Variants in APOB observed in about 807,000 individuals in gnomAD.
APOB encodes the protein apolipoprotein B-100.
APOB carries 153 observed loss-of-function variants against 314.1 expected under a neutral mutation model. That is an observed-to-expected ratio of 0.49 (90% CI 0.43 to 0.56). APOB has a LOEUF of 0.56. Among genes scored for constraint, APOB ranks in the 20% least tolerant of loss-of-function variants. The probability of loss-of-function intolerance (pLI) is 0.00; values close to 1 mark genes in which losing one functional copy is unlikely to be tolerated. For missense variants in APOB, 5,430 were observed against 5,350.7 expected (o/e 1.01, Z -0.46); for synonymous variants, 2,087 against 2,036.4 (o/e 1.02, Z -0.67).
chr2:21,043,739 C>A, intron 1 of APOB, 125 bp downstream of exon 1: 2 of 1,505,656 alleles, frequency 1.3e-6, no homozygotes, highest in Non-Finnish European at 8.9e-7. Flanking sequence ...CTGGTCCAAT[C>A]CCCCCACTCG....
intron 24 of APOB, 101 bp downstream of exon 24, chr2:21,014,347 T>C (rs1460271367): frequency 7.0e-7 from 1 of 1,418,906 alleles, no homozygotes; most frequent in African/African-American, 1.4e-5. Flanking sequence ...AATGCTTAAA[T>C]TATTTCCTTT....
At chr2:21,023,163 C>T in intron 17 of APOB, 121 bp from the exon 18 acceptor site, 3 of 928,164 alleles carry the variant, frequency 3.2e-6, no homozygotes, top group Non-Finnish European at 5.2e-6. Flanking sequence ...CCTTTGGAAA[C>T]ATTACTGGGA....
Position 21,007,271 on chromosome 2 carries a change from C to T in APOB, c.9597G>A (p.Gln3199=). The T allele has an allele frequency of 6.2e-7, 1 of 1,613,446 alleles. No homozygotes were observed. The highest frequency in any genetic ancestry group is 8.5e-7 in the Non-Finnish European group (1 of 1,179,666). ...AATGCCTGTCAAAGGATTTGATGCT[C>T]TGACTGATAAACTCACAAAGCACAG... is the stretch of plus-strand genomic sequence containing the variant. ...PLAVLCEFIS[Q]SIKSFDRHFE... Residue 3199 remains glutamine, a synonymous_variant, in exon 26 of 29, where the codon CAG becomes CAA. Coordinates refer to ENST00000233242, the MANE Select transcript of APOB (RefSeq NM_000384.3).
At chr2:21,037,065 C>T in intron 6 of APOB, 35 bp downstream of exon 6, 1 of 1,613,766 alleles carries the variant, frequency 6.2e-7, no homozygotes, top group Non-Finnish European at 8.5e-7. Context: ...GAGGATGCTC[C>T]TTGCTGTGCA....
At position 21,012,212 on chromosome 2, in the gene APOB, A is replaced by G. The variant is rs761580028; in HGVS notation, c.4656T>C (p.Ser1552=). The change falls in exon 26 of 29, where the codon AGT becomes AGC. Residue 1552 remains serine, a synonymous_variant. Transcript: ENST00000233242. The stretch of plus-strand genomic sequence containing the variant: ...GGGAAGCAGTATTTTTAATGATGCC[A>G]CTTTGCAGATCAGAGGTGGAGGTGA... ...LSLTSTSDLQ[S]GIIKNTASLK... 163 of 1,605,332 alleles carry G rather than the reference A, an allele frequency of 1.0e-4. No individual in the cohort carries two copies. Among genetic ancestry groups the G allele is most frequent in the Non-Finnish European group, 1.3e-4 (155 of 1,174,710 alleles).
Position 21,006,561 on chromosome 2 carries a change from A to T in APOB, c.10307T>A (p.Leu3436Ter). Reference sequence around the variant, plus strand: ...AAGTTCTTGCTTGAAATTCATTCTCAAAATTGGAATTTGGGCTTTTGTGGT... The same window carrying T: ...AAGTTCTTGCTTGAAATTCATTCTCTAAATTGGAATTTGGGCTTTTGTGGT... ...ATTTKAQIPI[L>*]RMNFKQELNG... The change falls in exon 26 of 29, where the codon TTG becomes TAG. Residue 3436 changes from leucine to a stop codon, truncating the protein, a stop_gained. Transcript: ENST00000233242. LOFTEE classifies it high-confidence loss of function. The T allele has an allele frequency of 1.2e-6, 2 of 1,614,092 alleles. No individual in the cohort carries two copies. The highest frequency in any genetic ancestry group is 1.7e-6 in the Non-Finnish European group (2 of 1,179,976).
rs1421321340 is a variant in APOB at position 21,041,173 on chromosome 2, A to G, written c.238-90T>C. 5 of 1,381,554 alleles carry G rather than the reference A, an allele frequency of 3.6e-6. No homozygotes were observed. In the African/African-American group the frequency reaches 7.1e-5, roughly 20 times the overall value. The allele number at this position is 1,381,554 out of a possible 1,614,324, so 85.6% of individuals were successfully genotyped here. On this transcript the variant is annotated intron_variant, in intron 3 of 28. Transcript: ENST00000233242. ...CCAGGGCTTAATCTCTAATCAGAGC[A>G]CCAAAGGGAATGGTGCTGGGAACAC...
At position 21,002,209 on chromosome 2, in the gene APOB, C is replaced by T. The variant is rs866737429; in HGVS notation, c.13213G>A (p.Glu4405Lys). 6.2e-7 allele frequency: 1 copy of T among 1,613,922 alleles called. No homozygotes were observed. The highest frequency in any genetic ancestry group is 8.5e-7 in the Non-Finnish European group (1 of 1,179,962). Reference protein sequence around the residue: ...GWTVKYYELEEKIVSLIKNLL... With the variant: ...GWTVKYYELEKKIVSLIKNLL... Reference sequence around the variant, plus strand: ...TTCTTGATCAGACTGACTATCTTTTCTTCAAGTTCATAATATTTCACTGTC... The same window carrying T: ...TTCTTGATCAGACTGACTATCTTTTTTTCAAGTTCATAATATTTCACTGTC... The change falls in exon 29 of 29, where the codon GAA becomes AAA. Residue 4405 changes from glutamate (E) to lysine (K), a missense_variant. Transcript: ENST00000233242.
In APOB at chr2:21,005,450, G is replaced by A. The variant is rs1663100949; in HGVS notation, c.11418C>T (p.Ser3806=). The change falls in exon 26 of 29, where the codon TCC becomes TCT. Residue 3806 remains serine, a synonymous_variant. Transcript: ENST00000233242. Reference sequence around the variant, plus strand: ...CGGTTATCTCAAAAAAGGGAATCAAGGAGTCTTCTGGTTGAGAATATTTTG... The same window carrying A: ...CGGTTATCTCAAAAAAGGGAATCAAAGAGTCTTCTGGTTGAGAATATTTTG... ...VLTKYSQPED[S]LIPFFEITVP... 1.9e-6 allele frequency: 3 copies of A among 1,614,058 alleles called. No homozygotes were observed. Among genetic ancestry groups the A allele is most frequent in the Non-Finnish European group, 2.5e-6 (3 of 1,179,970 alleles).
rs183394803 is a variant in APOB, at chr2:21,008,487, G to A, written c.8381C>T (p.Thr2794Ile). The A allele has an allele frequency of 2.5e-6, 4 of 1,614,082 alleles. No homozygotes were observed. Among genetic ancestry groups the A allele is most frequent in the African/African-American group, 1.3e-5 (1 of 75,034 alleles). Reference protein sequence around the residue: ...ANEAGIAASITAKGESKLEVL... With the variant: ...ANEAGIAASIIAKGESKLEVL... ...TTCTAATTTGGACTCTCCTTTGGCA[G>A]TGATGGAAGCTGCGATACCTGCTTC... The change falls in exon 26 of 29, where the codon ACT (threonine) becomes ATT (isoleucine). Residue 2794 changes from threonine to isoleucine, a missense_variant. By Grantham distance (89) the Thr-to-Ile change is moderately conservative (BLOSUM62 -1). Coordinates refer to ENST00000233242, the MANE Select transcript of APOB (RefSeq NM_000384.3).
intron 16 of APOB, chr2:21,024,372 C>T (rs1052870946): frequency 1.3e-5 from 2 of 158,878 alleles, no homozygotes; most frequent in East Asian, 1.9e-4. Flanking sequence ...TATTCCAGCA[C>T]TGTGGGAGGC....
At chr2:21,032,818 G>T (rs904551300) in intron 9 of APOB, among the ~76,000 whole-genome samples, 3 of 152,200 alleles carry the variant, frequency 2.0e-5, no homozygotes. Flanking sequence ...GCAACAAGAA[G>T]ACTGTTATCA....
Position 21,010,464 on chromosome 2 carries a change from A to T in APOB, c.6404T>A (p.Val2135Asp). 6.2e-7 allele frequency: 1 copy of T among 1,609,882 alleles called. No homozygotes were observed. Among genetic ancestry groups the T allele is most frequent in the Non-Finnish European group, 8.5e-7 (1 of 1,176,830 alleles). ...YLNSFNWERQ[V>D]SHAKEKLTAL... is the part of the protein sequence containing the mutation. ...AGTCAGTTTCTCCTTGGCATGTGAA[A>T]CTTGTCTCTCCCAATTGAATGAATT... The change falls in exon 26 of 29, where the codon GTT becomes GAT. Residue 2135 changes from valine to aspartate, a missense_variant. Physicochemically the swap from Val to Asp is radical, Grantham distance 152. This residue lies in a region of APOB where 3,281 missense variants were observed against 3,171.0 expected (regional missense o/e 1.03). Transcript: ENST00000233242.
chr2:21,042,304 A>G, intron 3 of APOB, 57 bp downstream of exon 3: 6 of 1,409,438 alleles, frequency 4.3e-6, no homozygotes, highest in South Asian at 1.2e-5. Flanking sequence ...CGCCCGCTGG[A>G]ACAGGGCTGG....
intron 23 of APOB, 100 bp from the exon 24 acceptor site, chr2:21,014,693 A>G: frequency 7.9e-7 from 1 of 1,258,126 alleles, no homozygotes; most frequent in Non-Finnish European, 1.1e-6. Context: ...TTAATTATTA[A>G]GCTGGACAAT....
rs367932450 is a variant in APOB, at chr2:21,043,497, T to C, written c.121+16A>G. The C allele has an allele frequency of 1.2e-4, 187 of 1,599,358 alleles. No homozygotes were observed. Among genetic ancestry groups the C allele is most frequent in the Non-Finnish European group, 1.0e-4 (122 of 1,172,894 alleles). On this transcript the variant is annotated intron_variant, in intron 2 of 28. Coordinates refer to ENST00000233242, the MANE Select transcript of APOB (RefSeq NM_000384.3). The stretch of plus-strand genomic sequence containing the variant: ...GGGCTGGGCGCCCTTCCACGCCCCA[T>C]GCGCAGATGCCTTACTTGGACAGAC...
chr2:21,014,496 T>A lies in APOB; in HGVS notation c.3794A>T (p.Asn1265Ile), dbSNP rs1663415893. ...GATGTGGAAGTCTGGCAATCCCATGTTCTGGAGGTTGAACTCCTTCAGGCT... is the reference window on the plus strand; with the variant it reads ...GATGTGGAAGTCTGGCAATCCCATGATCTGGAGGTTGAACTCCTTCAGGCT... ...LNSLKEFNLQ[N>I]MGLPDFHIPE... Residue 1265 changes from asparagine to isoleucine, a missense_variant, in exon 24 of 29, where the codon AAC (asparagine) becomes ATC (isoleucine). By Grantham distance (149) the Asn-to-Ile change is moderately radical. Coordinates refer to ENST00000233242, the MANE Select transcript of APOB (RefSeq NM_000384.3). The A allele has an allele frequency of 6.2e-7, 1 of 1,614,048 alleles. No homozygotes were observed. The highest frequency in any genetic ancestry group is 1.3e-5 in the African/African-American group (1 of 74,928).
Position 21,012,132 on chromosome 2 carries a change from T to C in APOB, c.4736A>G (p.Lys1579Arg). 6.2e-7 allele frequency: 1 copy of C among 1,606,572 alleles called. No individual in the cohort carries two copies. The highest frequency in any genetic ancestry group is 8.5e-7 in the Non-Finnish European group (1 of 1,175,728). ...CATCTTGTTAGAAGTGGCAAAGTTC[T>C]TATACTTCCCATTGGTGTCAGATTT... ...TLKSDTNGKY[K>R]NFATSNKMDM... is the part of the protein sequence containing the mutation. The change falls in exon 26 of 29, where the codon AAG becomes AGG. Residue 1579 changes from lysine (K) to arginine (R), a missense_variant. By Grantham distance (26) the Lys-to-Arg change is conservative. Around this residue, in one of 3 missense-constraint regions of APOB, gnomAD observed 2,085 missense variants for 2,079.7 expected, o/e 1.00. Coordinates refer to ENST00000233242, the MANE Select transcript of APOB (RefSeq NM_000384.3).
At chr2:21,014,635 G>A (rs766943467) in intron 23 of APOB, 42 bp from the exon 24 acceptor site, 1 of 1,608,904 alleles carries the variant, frequency 6.2e-7, no homozygotes. Context: ...GGGCTTGGAT[G>A]AGCCTCAAAG....
Sources: allele counts gnomAD v4.1 joint callset (sites outside exome capture counted in the v4.1 genomes callset), GRCh38; gene constraint gnomAD v4.1.1; regional missense constraint gnomAD v4.1.1; transcripts MANE v1.5; gene names NCBI Gene and HGNC (gene_info 2026-07-23, HGNC 2026-07-21).